Variants in PTPRM observed in about 807,000 individuals in gnomAD.
PTPRM encodes the protein receptor-type tyrosine-protein phosphatase mu.
A neutral mutation model predicts 186.7 loss-of-function variants in PTPRM; 47 were observed. The ratio of observed to expected loss-of-function variants is 0.25; its 90% CI spans 0.20 to 0.32. The LOEUF (loss-of-function observed/expected upper bound fraction) is 0.32, where lower values mean the gene tolerates loss of function less well. PTPRM is among the 10% of genes least tolerant of loss of function. The pLI, the probability that PTPRM is intolerant of heterozygous loss-of-function variation, is 1.00. For synonymous variants in PTPRM, 668 were observed against 674.9 expected (o/e 0.99, Z 0.16); for missense variants, 1,494 against 1,865.0 (o/e 0.80, Z 3.66).
At chr18:8,292,966 C>T (rs960700666) in intron 19 of PTPRM, among the ~76,000 whole-genome samples, 7 of 152,138 alleles carry the variant, frequency 4.6e-5, no homozygotes, top group Non-Finnish European at 7.3e-5. Flanking sequence ...AGTCAGAAAA[C>T]ACTGACTTCG....
At chr18:7,959,865 C>T (rs148376951) in intron 7 of PTPRM, among the ~76,000 whole-genome samples, 1 of 152,190 alleles carries the variant, frequency 6.6e-6, no homozygotes, top group South Asian at 2.1e-4. Context: ...ATATACATAT[C>T]CAGTTGTTTT....
chr18:8,350,576 C>T (rs1207769311), intron 23 of PTPRM, among the ~76,000 whole-genome samples: 1 of 152,222 alleles, frequency 6.6e-6, no homozygotes, highest in Non-Finnish European at 1.5e-5. Context: ...TTTTAGACAA[C>T]ACCATCTTCT....
intron 2 of PTPRM, among the ~76,000 whole-genome samples, chr18:7,835,188 C>CTTT (rs58193493): frequency 3.9e-5 from 5 of 127,648 alleles, no homozygotes; most frequent in Admixed American, 7.8e-5. Flanking sequence ...TGACATTTTT[C>CTTT]TTTTTTTTTT....
intron 7 of PTPRM, among the ~76,000 whole-genome samples, chr18:7,984,987 T>TTA (rs1429785722): frequency 6.7e-5 from 8 of 119,242 alleles, no homozygotes; most frequent in African/African-American, 2.1e-4. Context: ...ATACATATAA[T>TTA]TATATACATA....
At chr18:8,381,125 G>A (rs984270966) in intron 29 of PTPRM, among the ~76,000 whole-genome samples, 3 of 152,166 alleles carry the variant, frequency 2.0e-5, no homozygotes, top group Non-Finnish European at 2.9e-5. Context: ...GGACAGTGAT[G>A]ACTCAATGTT....
chr18:7,879,672 T>C (rs1469890212), intron 2 of PTPRM, among the ~76,000 whole-genome samples: 1 of 152,236 alleles, frequency 6.6e-6, no homozygotes, highest in African/African-American at 2.4e-5. Context: ...TATAAATGTC[T>C]TAAAGCAAAG....
At chr18:8,064,703 G>T (rs185640839) in intron 7 of PTPRM, among the ~76,000 whole-genome samples, 1 of 152,314 alleles carries the variant, frequency 6.6e-6, no homozygotes, top group East Asian at 1.9e-4. Flanking sequence ...CAGCTTGACT[G>T]ACAAGGTACT....
intron 14 of PTPRM, among the ~76,000 whole-genome samples, chr18:8,206,912 G>A (rs1000319392): frequency 3.9e-5 from 6 of 152,016 alleles, no homozygotes; most frequent in African/African-American, 1.5e-4. Context: ...AGAAGGCTGC[G>A]GGAGGACAGA....
At chr18:8,001,931 A>G (rs1475036800) in intron 7 of PTPRM, among the ~76,000 whole-genome samples, 1 of 152,228 alleles carries the variant, frequency 6.6e-6, no homozygotes, top group Non-Finnish European at 1.5e-5. Flanking sequence ...GCTGTGTGTC[A>G]TAATTGATGT....
chr18:7,801,603 A>G (rs969297578), intron 2 of PTPRM, among the ~76,000 whole-genome samples: 3 of 152,190 alleles, frequency 2.0e-5, no homozygotes, highest in Non-Finnish European at 4.4e-5. Context: ...AACCAGTAAC[A>G]TAGTCATTTA....
intron 7 of PTPRM, among the ~76,000 whole-genome samples, chr18:8,063,978 A>G (rs1025234268): frequency 2.6e-5 from 4 of 152,154 alleles, no homozygotes; most frequent in Admixed American, 6.6e-5. Context: ...ATTGTGGCCT[A>G]TGTTTAGAGT....
chr18:8,264,497 G>A lies in PTPRM; in HGVS notation c.2754+11083G>A, dbSNP rs151111535. ...GTACAAAGAACACACCAGGCCGGGCGTGGTGGCTCACTCCTGTAATCCCAG... is the reference window on the plus strand; with the variant it reads ...GTACAAAGAACACACCAGGCCGGGCATGGTGGCTCACTCCTGTAATCCCAG... On this transcript the variant is annotated intron_variant, in intron 19 of 32. Coordinates refer to ENST00000580170, the MANE Select transcript of PTPRM (RefSeq NM_001105244.2). Among the ~76,000 whole-genome samples the A allele has an allele frequency of 2.8e-3, 423 of 152,174 alleles. 5 individuals carry two copies. The highest frequency in any genetic ancestry group is 7.8e-4 in the Non-Finnish European group (53 of 67,988).
At chr18:7,673,712 C>G (rs189275867) in intron 1 of PTPRM, among the ~76,000 whole-genome samples, 2 of 152,146 alleles carry the variant, frequency 1.3e-5, no homozygotes, top group African/African-American at 2.4e-5. Flanking sequence ...TAGGATAAAG[C>G]CTTGCTTATA....
chr18:8,119,608 C>T (rs1243171435), intron 13 of PTPRM, among the ~76,000 whole-genome samples: 1 of 152,030 alleles, frequency 6.6e-6, no homozygotes, highest in Non-Finnish European at 1.5e-5. Flanking sequence ...TAATGTACAT[C>T]ATGAGTATAT....
At chr18:7,987,765 T>G (rs950530980) in intron 7 of PTPRM, among the ~76,000 whole-genome samples, 1 of 152,196 alleles carries the variant, frequency 6.6e-6, no homozygotes, top group Non-Finnish European at 1.5e-5. Context: ...AAACCATTTT[T>G]TCAGAGTCAG....
At chr18:7,948,297 AAGAG>A (rs942721629) in intron 5 of PTPRM, among the ~76,000 whole-genome samples, 4 of 151,656 alleles carry the variant, frequency 2.6e-5, no homozygotes, top group Non-Finnish European at 5.9e-5. Context: ...GAGAGAGAGA[AAGAG>A]AGAGAGAAGA....
chr18:7,651,716 T>G (rs1015506162), intron 1 of PTPRM, among the ~76,000 whole-genome samples: 5 of 152,314 alleles, frequency 3.3e-5, no homozygotes, highest in Admixed American at 3.3e-4. Context: ...AAGCTGAAAC[T>G]GGATCCCTTC....
intron 9 of PTPRM, among the ~76,000 whole-genome samples, chr18:8,084,434 T>TAAC: frequency 6.6e-6 from 1 of 152,210 alleles, no homozygotes; most frequent in East Asian, 1.9e-4. Flanking sequence ...GGAAGTCTGT[T>TAAC]AGAGGATTAA....
At chr18:7,637,433 AAAAGGTTAAGTT>A (rs2038343918) in intron 1 of PTPRM, among the ~76,000 whole-genome samples, 3 of 152,156 alleles carry the variant, frequency 2.0e-5, no homozygotes, top group Non-Finnish European at 4.4e-5. Context: ...TCCACAGTAG[AAAAGGTTAAGTT>A]CATTTCTTAA....
Sources: allele counts gnomAD v4.1 joint callset (sites outside exome capture counted in the v4.1 genomes callset), GRCh38; gene constraint gnomAD v4.1.1; transcripts MANE v1.5; gene names NCBI Gene and HGNC (gene_info 2026-07-23, HGNC 2026-07-21).